EML4: variants seen among roughly 807,000 people sequenced by gnomAD.
EML4 encodes EMAP like 4.
Under a neutral mutation model 129.0 loss-of-function variants are expected in EML4, and 72 were observed. The ratio of observed to expected loss-of-function variants is 0.56; its 90% confidence interval spans 0.46 to 0.68. EML4 has a LOEUF of 0.68. EML4 is among the 30% of genes least tolerant of loss of function. The pLI, the probability that EML4 is intolerant of heterozygous loss-of-function variation, is 0.00. For synonymous variants in EML4, 532 were observed against 405.0 expected (o/e 1.31, Z -3.77); for missense variants, 1,363 against 1,190.6 (o/e 1.14, Z -2.13).
chr2:42,225,774 G>GT (rs890008067), intron 1 of EML4, among the ~76,000 whole-genome samples: 2 of 151,758 alleles, frequency 1.3e-5, no homozygotes, highest in South Asian at 2.1e-4. Flanking sequence ...GGATTGATGT[G>GT]TTTTTTTATT....
intron 1 of EML4, among the ~76,000 whole-genome samples, chr2:42,219,784 G>A (rs538373835): frequency 7.2e-5 from 11 of 151,994 alleles, no homozygotes; most frequent in Non-Finnish European, 1.2e-4. Flanking sequence ...TATTAGCCGG[G>A]CGTAAGGGGC....
chr2:42,302,932 T>C (rs1668374513), intron 14 of EML4, among the ~76,000 whole-genome samples, 172 bp from the exon 15 acceptor site: 1 of 152,252 alleles, frequency 6.6e-6, no homozygotes, highest in Non-Finnish European at 1.5e-5. Context: ...ATAACTTCTG[T>C]ATAATAAAAT....
chr2:42,257,309 A>G (rs1328851058), intron 3 of EML4, among the ~76,000 whole-genome samples: 1 of 152,198 alleles, frequency 6.6e-6, no homozygotes, highest in Non-Finnish European at 1.5e-5. Context: ...TAGAGTTTGG[A>G]GAGACCATAG....
intron 2 of EML4, among the ~76,000 whole-genome samples, chr2:42,250,492 G>C (rs1185261505): frequency 2.0e-5 from 3 of 152,286 alleles, no homozygotes; most frequent in Admixed American, 6.5e-5. Context: ...ATTGTGGAAG[G>C]GGATGATGGA....
At chr2:42,210,503 C>G (rs1672827652) in intron 1 of EML4, among the ~76,000 whole-genome samples, 1 of 152,116 alleles carries the variant, frequency 6.6e-6, no homozygotes, top group African/African-American at 2.4e-5. Flanking sequence ...TTTTCCCAAC[C>G]CCTTTCTGTA....
At chr2:42,225,945 A>G (rs969015856) in intron 1 of EML4, among the ~76,000 whole-genome samples, 3 of 152,290 alleles carry the variant, frequency 2.0e-5, no homozygotes, top group Non-Finnish European at 4.4e-5. Flanking sequence ...TAAATGTAAA[A>G]TGTATAAATA....
chr2:42,240,265 T>C (rs1175594295), intron 1 of EML4, among the ~76,000 whole-genome samples: 1 of 152,178 alleles, frequency 6.6e-6, no homozygotes, highest in Admixed American at 6.5e-5. Flanking sequence ...TTAATACACA[T>C]TTTTATTGTG....
At chr2:42,254,649 G>A (rs1041751679) in intron 2 of EML4, among the ~76,000 whole-genome samples, 11 of 150,238 alleles carry the variant, frequency 7.3e-5, no homozygotes, top group African/African-American at 2.2e-4. Context: ...AAAATAACAA[G>A]TGTTGGCAAG....
At chr2:42,201,653 G>T (rs1558497063) in intron 1 of EML4, among the ~76,000 whole-genome samples, 1 of 152,186 alleles carries the variant, frequency 6.6e-6, no homozygotes, top group Non-Finnish European at 1.5e-5. Context: ...CCTTGGAAAG[G>T]GGGAAAGCCT....
intron 6 of EML4, among the ~76,000 whole-genome samples, chr2:42,265,880 G>A (rs562002836): frequency 2.2e-4 from 34 of 152,300 alleles, no homozygotes; most frequent in African/African-American, 7.9e-4. Flanking sequence ...GACTTTTGGC[G>A]AATGCGTATT....
At chr2:42,228,350 G>T (rs930339128) in intron 1 of EML4, among the ~76,000 whole-genome samples, 4 of 152,196 alleles carry the variant, frequency 2.6e-5, no homozygotes, top group African/African-American at 4.8e-5. Flanking sequence ...GATCGACATA[G>T]TTTTAGGAAT....
At chr2:42,233,502 T>TTTC (rs995925743) in intron 1 of EML4, among the ~76,000 whole-genome samples, 2 of 151,328 alleles carry the variant, frequency 1.3e-5, no homozygotes, top group African/African-American at 4.9e-5. Flanking sequence ...AGAGACGGGG[T>TTTC]TTCACCATGT....
At chr2:42,235,020 G>T (rs966424927) in intron 1 of EML4, among the ~76,000 whole-genome samples, 2 of 152,132 alleles carry the variant, frequency 1.3e-5, no homozygotes, top group African/African-American at 4.8e-5. Flanking sequence ...AGCGGGTCAG[G>T]CATGGTGGCT....
At chr2:42,319,566 T>G (rs1241808604) in intron 19 of EML4, 1 of 152,256 alleles carries the variant, frequency 6.6e-6, no homozygotes, top group African/African-American at 2.4e-5. Flanking sequence ...TTCCACCGGC[T>G]GGTCTTATAG....
chr2:42,295,451 C>T lies in EML4; in HGVS notation c.1424C>T (p.Ser475Leu). 6.2e-7 allele frequency: 1 copy of T among 1,613,850 alleles called. No individual in the cohort carries two copies. The highest frequency in any genetic ancestry group is 8.5e-7 in the Non-Finnish European group (1 of 1,179,806). ...LGNGDVLTGD[S>L]GGVMLIWSKT... is the part of the protein sequence containing the mutation. ...AATGGAGATGTTCTTACTGGAGACTCAGGTGGAGTCATGCTTATATGGAGC... is the reference window on the plus strand; with the variant it reads ...AATGGAGATGTTCTTACTGGAGACTTAGGTGGAGTCATGCTTATATGGAGC... The change falls in exon 13 of 23, where the codon TCA becomes TTA. Residue 475 changes from serine (S) to leucine (L), a missense_variant. By Grantham distance (145) the Ser-to-Leu change is moderately radical. Transcript: ENST00000318522.
chr2:42,179,249 C>T (rs1169232126), intron 1 of EML4, among the ~76,000 whole-genome samples: 3 of 140,410 alleles, frequency 2.1e-5, no homozygotes, highest in South Asian at 2.4e-4. Context: ...TTTTTTAAAA[C>T]GTCGGGGAGC....
rs193139941 is a variant in EML4, at chr2:42,216,038, G to A, written c.26-29467G>A. On this transcript the variant is annotated intron_variant, in intron 1 of 22. Coordinates refer to ENST00000318522, the MANE Select transcript of EML4 (RefSeq NM_019063.5). The stretch of plus-strand genomic sequence containing the variant: ...TGGTTGAAGCAATTCTGCTGTCTCA[G>A]CCTCTTAAGTAGCTGAGACTACAGG... 1.3e-4 allele frequency among the ~76,000 whole-genome samples: 19 copies of A among 151,132 alleles called. No individual in the cohort carries two copies. The East Asian group carries it at 3.7e-3, about 30-fold the overall frequency.
At chr2:42,294,732 C>A (rs936653430) in intron 11 of EML4, among the ~76,000 whole-genome samples, 1 of 151,896 alleles carries the variant, frequency 6.6e-6, no homozygotes, top group Non-Finnish European at 1.5e-5. Context: ...ATGAATGCTC[C>A]ATAATAATAG....
intron 17 of EML4, among the ~76,000 whole-genome samples, chr2:42,310,253 A>G (rs907012896): frequency 2.6e-5 from 4 of 152,022 alleles, no homozygotes; most frequent in African/African-American, 9.7e-5. Context: ...TGTAAGGCCT[A>G]ATGGATCTTT....
Sources: allele counts gnomAD v4.1 joint callset (sites outside exome capture counted in the v4.1 genomes callset), GRCh38; gene constraint gnomAD v4.1.1; transcripts MANE v1.5; gene names NCBI Gene and HGNC (gene_info 2026-07-23, HGNC 2026-07-21).